Variants in ATP13A3 observed in about 807,000 individuals in gnomAD.
ATP13A3 encodes polyamine-transporting ATPase 13A3.
Under a neutral mutation model 158.1 loss-of-function variants are expected in ATP13A3, and 59 were observed. The ratio of observed to expected loss-of-function variants is 0.37; its 90% CI spans 0.30 to 0.46. The LOEUF is 0.46. Among genes scored for constraint, ATP13A3 ranks in the 20% least tolerant of loss-of-function variants. The pLI, the probability that ATP13A3 is intolerant of heterozygous loss-of-function variation, is 1.00. For synonymous variants in ATP13A3, 491 were observed against 504.3 expected, an observed-to-expected ratio of 0.97 and a Z score of 0.35; for missense variants, 1,166 against 1,525.2, an observed-to-expected ratio of 0.76 and a Z score of 3.92.
intron 2 of ATP13A3, among the ~76,000 whole-genome samples, chr3:194,481,327 T>C (rs1720740285): frequency 6.6e-6 from 1 of 151,894 alleles, no homozygotes; most frequent in African/African-American, 2.4e-5. Context: ...AAAAATAGTT[T>C]GTTTCAAGAA....
chr3:194,465,228 C>CA lies in ATP13A3; in HGVS notation c.-46-2993dup, dbSNP rs200258399. On this transcript the variant is annotated intron_variant, in intron 2 of 33. Coordinates refer to ENST00000645319, the MANE Select transcript of ATP13A3 (RefSeq NM_001367549.1). ...TTACAGGTCACAAAAAAAGGGAGGA[C>CA]AGGGAACTCAGAGGGAGCCCAGCAG... is the stretch of plus-strand genomic sequence containing the variant. 3.9e-5 allele frequency among the ~76,000 whole-genome samples: 6 copies of CA among 152,218 alleles called. No homozygotes were observed. The East Asian group carries it at 1.2e-3, about 29-fold the overall frequency.
chr3:194,462,375 G>A (rs1719725685), intron 2 of ATP13A3, 139 bp from the exon 3 acceptor site: 2 of 584,214 alleles, frequency 3.4e-6, no homozygotes, highest in South Asian at 4.5e-5. Flanking sequence ...GGGCCACACA[G>A]TAGGAGGTGA....
chr3:194,466,438 A>T (rs565754401), intron 2 of ATP13A3, among the ~76,000 whole-genome samples: 1 of 152,352 alleles, frequency 6.6e-6, no homozygotes, highest in East Asian at 1.9e-4. Flanking sequence ...CAAGTATCAG[A>T]AGACTAATCA....
intron 21 of ATP13A3, 130 bp downstream of exon 21, chr3:194,433,642 T>TA: frequency 8.5e-7 from 1 of 1,176,778 alleles, no homozygotes; most frequent in Non-Finnish European, 1.2e-6. Context: ...TATTCAGAGC[T>TA]AAAAGAGAAC....
rs1297399388 is a variant in ATP13A3, at chr3:194,435,922, A to G, written c.2120+1173T>C. 2.0e-5 allele frequency among the ~76,000 whole-genome samples: 3 copies of G among 152,142 alleles called. No homozygotes were observed. In the East Asian group the frequency reaches 5.8e-4, roughly 29 times the overall value. On this transcript the variant is annotated intron_variant, in intron 20 of 33. Transcript: ENST00000645319. ...ACTCCGTCTCAAAAGAAAAAAAAAG[A>G]ACTGTAGGCAATTCAGTAATTAGTG...
chr3:194,416,560 T>C (rs1715870525), intron 31 of ATP13A3, among the ~76,000 whole-genome samples: 1 of 152,176 alleles, frequency 6.6e-6, no homozygotes, highest in Non-Finnish European at 1.5e-5. Flanking sequence ...ACTAGAAATA[T>C]ACAGCAAACA....
chr3:194,468,493 T>C (rs1720135169), intron 2 of ATP13A3, among the ~76,000 whole-genome samples: 1 of 152,042 alleles, frequency 6.6e-6, no homozygotes, highest in East Asian at 1.9e-4. Context: ...TTTTTTCACA[T>C]TATGTAATTA....
intron 30 of ATP13A3, 133 bp from the exon 31 acceptor site, chr3:194,420,100 G>C: frequency 1.0e-6 from 1 of 1,004,454 alleles, no homozygotes; most frequent in Non-Finnish European, 1.3e-6. Context: ...ATGGAATAAA[G>C]TATGTGCTCT....
intron 26 of ATP13A3, 146 bp from the exon 27 acceptor site, chr3:194,429,920 G>A (rs1463364439): frequency 1.1e-6 from 1 of 951,420 alleles, no homozygotes; most frequent in African/African-American, 1.7e-5. Flanking sequence ...ACCAAATGAG[G>A]AGTAGCAATC....
chr3:194,430,013 C>A, intron 26 of ATP13A3, 59 bp downstream of exon 26: 1 of 1,395,376 alleles, frequency 7.2e-7, no homozygotes. Context: ...TGATAATTTT[C>A]TCTTCTGTAT....
At chr3:194,492,983 G>A (rs1006756627) in intron 2 of ATP13A3, among the ~76,000 whole-genome samples, 4 of 152,006 alleles carry the variant, frequency 2.6e-5, no homozygotes, top group Non-Finnish European at 5.9e-5. Context: ...TTCTCACCCG[G>A]GCACAGTGGC....
At chr3:194,453,241 T>C (rs1424464120) in intron 10 of ATP13A3, among the ~76,000 whole-genome samples, 1 of 139,852 alleles carries the variant, frequency 7.2e-6, no homozygotes, top group Non-Finnish European at 1.5e-5. Context: ...GTTGAGCCAC[T>C]GCACTCAGGC....
chr3:194,433,268 G>A (rs1474259099), intron 21 of ATP13A3, among the ~76,000 whole-genome samples: 5 of 124,484 alleles, frequency 4.0e-5, no homozygotes, highest in South Asian at 2.5e-4. Flanking sequence ...ACGGAGTCTC[G>A]CTCTGTCGCC....
Position 194,448,988 on chromosome 3 carries a change from G to C in ATP13A3, c.971-352C>G, listed in dbSNP as rs1467374069. Among the ~76,000 whole-genome samples the C allele has an allele frequency of 6.7e-6, 1 of 150,338 alleles. No homozygotes were observed. The highest frequency in any genetic ancestry group is 1.5e-5 in the Non-Finnish European group (1 of 67,678). ...GTCCCTGCACCTCTAAGAACTAATGGTAACAGTGGAAAGCACTGTACAGAA... is the reference window on the plus strand; with the variant it reads ...GTCCCTGCACCTCTAAGAACTAATGCTAACAGTGGAAAGCACTGTACAGAA... On this transcript the variant is annotated intron_variant, in intron 11 of 33. Transcript: ENST00000645319. The surrounding 1 kb of genome is among the most constrained non-coding windows in gnomAD (Gnocchi z 4.0).
chr3:194,454,491 C>G, intron 8 of ATP13A3, 99 bp from the exon 9 acceptor site: 1 of 1,274,336 alleles, frequency 7.8e-7, no homozygotes, highest in Non-Finnish European at 1.1e-6. Flanking sequence ...CAAATATGTA[C>G]AAGATAAGCT....
chr3:194,454,783 C>A (rs567350954), intron 8 of ATP13A3, among the ~76,000 whole-genome samples: 1 of 150,088 alleles, frequency 6.7e-6, no homozygotes, highest in South Asian at 2.1e-4. Context: ...GAGCCGAGAT[C>A]GCGCCACTGC....
At chr3:194,433,554 AT>A (rs1717402840) in intron 21 of ATP13A3, among the ~76,000 whole-genome samples, 1 of 152,166 alleles carries the variant, frequency 6.6e-6, no homozygotes, top group Non-Finnish European at 1.5e-5. Flanking sequence ...TACTTTTACT[AT>A]TCTACTACAC....
At chr3:194,468,406 C>A (rs1473121524) in intron 2 of ATP13A3, among the ~76,000 whole-genome samples, 117 of 115,230 alleles carry the variant, frequency 1.0e-3, no homozygotes, top group African/African-American at 4.7e-3. Context: ...AAAAAAAAAA[C>A]AGTATGGGAC....
chr3:194,467,373 C>T (rs973545580), intron 2 of ATP13A3, among the ~76,000 whole-genome samples: 2 of 152,180 alleles, frequency 1.3e-5, no homozygotes, highest in Non-Finnish European at 2.9e-5. Flanking sequence ...CAGTTCACTG[C>T]CTATAGCAAT....
Sources: allele counts gnomAD v4.1 joint callset (sites outside exome capture counted in the v4.1 genomes callset), GRCh38; gene constraint gnomAD v4.1.1; non-coding constraint Gnocchi (gnomAD v3.1); transcripts MANE v1.5; gene names NCBI Gene and HGNC (gene_info 2026-07-23, HGNC 2026-07-21).